Variants in ZNF184 observed in about 807,000 individuals in gnomAD.
ZNF184 encodes the protein zinc finger protein 184 (Kruppel-like).
ZNF184 carries 16 observed loss-of-function variants against 54.4 expected under a neutral mutation model. That is an observed-to-expected ratio of 0.29 (90% confidence interval 0.20 to 0.45). ZNF184 has a LOEUF of 0.45. Ranked by LOEUF, ZNF184 falls within the 20% of genes least tolerant of loss-of-function variation. The probability of loss-of-function intolerance (pLI) is 1.00; values close to 1 mark genes in which losing one functional copy is unlikely to be tolerated. For synonymous variants in ZNF184, 254 were observed against 295.3 expected, an observed-to-expected ratio of 0.86 and a Z score of 1.43; for missense variants, 681 against 888.2, an observed-to-expected ratio of 0.77 and a Z score of 2.97.
At chr6:27,423,192 G>A in the ZNF184 span, among the ~76,000 whole-genome samples, 1 of 152,214 alleles carries the variant, frequency 6.6e-6, no homozygotes, top group Non-Finnish European at 1.5e-5. Context: ...TTCCCCAGAA[G>A]TCTTAGGATT....
At position 27,452,475 on chromosome 6, in the gene ZNF184, A is replaced by G; in HGVS notation, c.1084T>C (p.Phe362Leu). The change falls in exon 6 of 6, where the codon TTT (phenylalanine) becomes CTT (leucine). Residue 362 changes from phenylalanine to leucine, a missense_variant. Coordinates refer to ENST00000683788, the MANE Select transcript of ZNF184 (RefSeq NM_001318891.2). The surrounding 1 kb of genome is among the most constrained non-coding windows in gnomAD (Gnocchi z 5.5). The stretch of plus-strand genomic sequence containing the variant: ...GTTTTATCACATTCATCACATTTAA[A>G]AGGTTTTTCTCCCGTATGAATTTTC... The part of the protein sequence containing the change: ...HQKIHTGEKP[F>L]KCDECDKTFT... The G allele has an allele frequency of 1.9e-6, 3 of 1,614,116 alleles. No homozygotes were observed. Among genetic ancestry groups the G allele is most frequent in the Non-Finnish European group, 8.5e-7 (1 of 1,180,026 alleles).
At chr6:27,422,851 C>A in the ZNF184 span, among the ~76,000 whole-genome samples, 1 of 152,350 alleles carries the variant, frequency 6.6e-6, no homozygotes, top group Non-Finnish European at 1.5e-5. Flanking sequence ...CACACAGGAA[C>A]TTTCGTATAC....
the ZNF184 span, chr6:27,404,513 C>T: frequency 6.6e-6 from 1 of 151,950 alleles, no homozygotes; most frequent in African/African-American, 2.4e-5. Context: ...TTACTGGGTA[C>T]CAGAAGAAAC....
At position 27,452,212 on chromosome 6, in the gene ZNF184, T is replaced by C. The variant is rs7452443; in HGVS notation, c.1347A>G (p.Ala449=). The C allele has an allele frequency of 1.2e-6, 2 of 1,613,936 alleles. No individual in the cohort carries two copies. Among genetic ancestry groups the C allele is most frequent in the African/African-American group, 2.7e-5 (2 of 74,904 alleles). ...THTGEKPYDC[A]ECGKSFSYWS... is the part of the protein sequence containing the mutation. ...AGTAACTAAAAGATTTTCCACATTCTGCACAATCATAGGGTTTCTCCCCAG... is the reference window on the plus strand; with the variant it reads ...AGTAACTAAAAGATTTTCCACATTCCGCACAATCATAGGGTTTCTCCCCAG... Residue 449 remains alanine, a synonymous_variant, in exon 6 of 6, where the codon GCA becomes GCG. Transcript: ENST00000683788. The surrounding 1 kb of genome is among the most constrained non-coding windows in gnomAD (Gnocchi z 5.5).
chr6:27,469,675 G>A (rs1763226995), intron 2 of ZNF184, among the ~76,000 whole-genome samples: 1 of 151,976 alleles, frequency 6.6e-6, no homozygotes, highest in Non-Finnish European at 1.5e-5. Context: ...TGAGACATGA[G>A]GTATGAAATA....
chr6:27,411,630 G>T, the ZNF184 span, among the ~76,000 whole-genome samples: 11 of 152,044 alleles, frequency 7.2e-5, no homozygotes, highest in Admixed American at 3.9e-4. Flanking sequence ...GAGGAAGTCC[G>T]GATAGAAGGC....
chr6:27,407,683 T>C, the ZNF184 span: 4 of 678,944 alleles, frequency 5.9e-6, no homozygotes, highest in Non-Finnish European at 1.1e-5. Flanking sequence ...GATGTCCACC[T>C]TGGCCTATTC....
chr6:27,468,334 A>C, intron 2 of ZNF184, among the ~76,000 whole-genome samples: 1 of 152,162 alleles, frequency 6.6e-6, no homozygotes, highest in East Asian at 1.9e-4. Context: ...TATGCTACTT[A>C]CTCTACCCAC....
At chr6:27,447,461 C>T (rs1312757775), downstream of ZNF184, among the ~76,000 whole-genome samples, 7 of 152,066 alleles carry the variant, frequency 4.6e-5, no homozygotes, top group Admixed American at 2.6e-4. Context: ...GCCTGTAATC[C>T]TGGCACTTTG....
chr6:27,467,762 A>G, intron 3 of ZNF184, 91 bp downstream of exon 3: 1 of 1,279,430 alleles, frequency 7.8e-7, no homozygotes, highest in Admixed American at 2.4e-5. Flanking sequence ...GCCAACATTG[A>G]TTTTTGGATA....
At chr6:27,467,361 C>G (rs557960114) in intron 3 of ZNF184, among the ~76,000 whole-genome samples, 2 of 152,148 alleles carry the variant, frequency 1.3e-5, no homozygotes, top group Admixed American at 6.5e-5. Flanking sequence ...TTTGGGAGGC[C>G]AAAGTGGATG....
the ZNF184 span, among the ~76,000 whole-genome samples, chr6:27,433,976 T>TCCCTCCTTCCTTCCTCTCCCTC: frequency 7.3e-6 from 1 of 136,148 alleles, no homozygotes; most frequent in Non-Finnish European, 1.5e-5. Context: ...CTCCCTCCCT[T>TCCCTCCTTCCTTCCTCTCCCTC]CCTTCCTTCC....
rs200109246 is a variant in ZNF184, at chr6:27,452,787, C to A, written c.772G>T (p.Ala258Ser). ...ATAAGGTTTTCACTCCGGCTGAAGG[C>A]TTTTTCACATTCATTACATTTGTAG... The part of the protein sequence containing the change: ...KPYKCNECEK[A>S]FSRSENLINH... The change falls in exon 6 of 6, where the codon GCC becomes TCC. Residue 258 changes from alanine to serine, a missense_variant. Ala to Ser is a moderately conservative substitution (Grantham distance 99). Coordinates refer to ENST00000683788, the MANE Select transcript of ZNF184 (RefSeq NM_001318891.2). The surrounding 1 kb of genome is among the most constrained non-coding windows in gnomAD (Gnocchi z 5.5). 3.0e-5 allele frequency: 49 copies of A among 1,613,398 alleles called. No homozygotes were observed. In the East Asian group the frequency reaches 1.1e-3, roughly 35 times the overall value.
At chr6:27,432,439 CTTAA>C in the ZNF184 span, among the ~76,000 whole-genome samples, 12 of 152,144 alleles carry the variant, frequency 7.9e-5, no homozygotes, top group Non-Finnish European at 1.3e-4. The surrounding 1 kb of genome is among the most constrained non-coding windows in gnomAD (Gnocchi z 4.0). Context: ...AGGAAAATTT[CTTAA>C]TTAAAGAGCT....
Position 27,451,376 on chromosome 6 carries a change from C to T in ZNF184, c.2183G>A (p.Cys728Tyr). 6.2e-7 allele frequency: 1 copy of T among 1,614,056 alleles called. No homozygotes were observed. Among genetic ancestry groups the T allele is most frequent in the Non-Finnish European group, 8.5e-7 (1 of 1,179,956 alleles). The change falls in exon 6 of 6, where the codon TGT becomes TAT. Residue 728 changes from cysteine (C) to tyrosine (Y), a missense_variant. Physicochemically the swap from Cys to Tyr is radical, Grantham distance 194 (BLOSUM62 -2). Transcript: ENST00000683788. ...RIHSGEKPFG[C>Y]NDCGKSFRYR... is the part of the protein sequence containing the mutation. ...TCTGAAGGATTTTCCACAATCATTA[C>T]ATCCAAAAGGCTTCTCTCCTGAATG...
the ZNF184 span, chr6:27,407,069 C>T: frequency 6.5e-6 from 1 of 152,692 alleles, no homozygotes; most frequent in African/African-American, 2.4e-5. Context: ...GCCACATAGC[C>T]AACCCAGGAA....
chr6:27,414,828 T>C, the ZNF184 span, among the ~76,000 whole-genome samples: 6 of 151,992 alleles, frequency 3.9e-5, no homozygotes, highest in Non-Finnish European at 7.4e-5. Context: ...TAGCAAACAA[T>C]AGTGTTATCT....
chr6:27,425,311 C>T, the ZNF184 span, among the ~76,000 whole-genome samples: 1 of 152,242 alleles, frequency 6.6e-6, no homozygotes, highest in Non-Finnish European at 1.5e-5. Context: ...CCCCAAGTGC[C>T]GCCAAAGTGG....
At chr6:27,410,843 T>C in the ZNF184 span, among the ~76,000 whole-genome samples, 1 of 152,132 alleles carries the variant, frequency 6.6e-6, no homozygotes, top group Non-Finnish European at 1.5e-5. Context: ...TGGGAGGTTT[T>C]TGATCATGGT....
Sources: allele counts gnomAD v4.1 joint callset (sites outside exome capture counted in the v4.1 genomes callset), GRCh38; gene constraint gnomAD v4.1.1; non-coding constraint Gnocchi (gnomAD v3.1); transcripts MANE v1.5; gene names NCBI Gene and HGNC (gene_info 2026-07-23, HGNC 2026-07-21).